CTNNA2: variants seen among roughly 807,000 people sequenced by gnomAD.
CTNNA2 encodes the protein catenin alpha-2.
Under a neutral mutation model 101.0 loss-of-function variants are expected in CTNNA2, and 42 were observed. The ratio of observed to expected loss-of-function variants is 0.42; its 90% CI spans 0.32 to 0.54. The LOEUF is 0.54. Ranked by LOEUF, CTNNA2 falls within the 20% of genes least tolerant of loss-of-function variation. The pLI is 0.14. For synonymous variants in CTNNA2, 450 were observed against 456.4 expected, an observed-to-expected ratio of 0.99 and a Z score of 0.18; for missense variants, 871 against 1,223.1, an observed-to-expected ratio of 0.71 and a Z score of 4.29.
intron 1 of CTNNA2, among the ~76,000 whole-genome samples, chr2:79,563,176 T>C (rs923734644): frequency 3.2e-5 from 3 of 93,420 alleles, no homozygotes; most frequent in African/African-American, 6.6e-5. Flanking sequence ...TATATATATA[T>C]ATATATATAT....
At chr2:80,628,450 AATAACACCACACAT>A (rs1437824573) in intron 18 of CTNNA2, among the ~76,000 whole-genome samples, 1 of 151,812 alleles carries the variant, frequency 6.6e-6, no homozygotes, top group Admixed American at 6.6e-5. Flanking sequence ...AGGCCTCAGA[AATAACACCACACAT>A]CTACAACCAG....
intron 2 of CTNNA2, among the ~76,000 whole-genome samples, chr2:79,288,765 A>G (rs1346889943): frequency 3.9e-5 from 6 of 152,208 alleles, no homozygotes; most frequent in Non-Finnish European, 5.9e-5. Flanking sequence ...CTTCTAATGT[A>G]TTCTATTTGT....
At chr2:79,442,708 GAAC>G (rs1226701477) in intron 4 of CTNNA2, among the ~76,000 whole-genome samples, 1 of 152,132 alleles carries the variant, frequency 6.6e-6, no homozygotes, top group Admixed American at 6.6e-5. Flanking sequence ...GATTCAAAAT[GAAC>G]ATTATCCTCA....
At chr2:79,582,068 G>A (rs1314750462) in intron 1 of CTNNA2, among the ~76,000 whole-genome samples, 1 of 152,226 alleles carries the variant, frequency 6.6e-6, no homozygotes, top group African/African-American at 2.4e-5. Flanking sequence ...GGGGGTTCTG[G>A]ACTAGTTAAG....
At chr2:80,445,003 C>T (rs1682948437) in intron 9 of CTNNA2, among the ~76,000 whole-genome samples, 1 of 152,030 alleles carries the variant, frequency 6.6e-6, no homozygotes, top group African/African-American at 2.4e-5. Flanking sequence ...GCCCAGTGCC[C>T]CTGGGGATAA....
chr2:79,458,768 C>T (rs1160378687), intron 4 of CTNNA2, among the ~76,000 whole-genome samples: 1 of 152,092 alleles, frequency 6.6e-6, no homozygotes, highest in African/African-American at 2.4e-5. Flanking sequence ...CACCATGCAA[C>T]AAATATAAAA....
chr2:80,223,887 GT>G (rs775529721), intron 7 of CTNNA2, among the ~76,000 whole-genome samples: 12 of 152,254 alleles, frequency 7.9e-5, no homozygotes, highest in Non-Finnish European at 1.6e-4. Flanking sequence ...CAGGTCCAAG[GT>G]AATCATACTG....
In CTNNA2 at chr2:79,279,190, C is replaced by G. The variant is rs368114105; in HGVS notation, c.-405-33519C>G. Among the ~76,000 whole-genome samples the G allele has an allele frequency of 7.9e-5, 12 of 152,118 alleles. No individual in the cohort carries two copies. The East Asian group carries it at 2.3e-3, about 29-fold the overall frequency. On this transcript the variant is annotated intron_variant, in intron 2 of 21. Transcript: ENST00000466387. ...ATAAAAACCCAGCCCTTCCAAGGTA[C>G]TCAGGAAATTAACTGCAAATATTTA...
At position 79,306,081 on chromosome 2, in the gene CTNNA2, G is replaced by A. The variant is rs897956761; in HGVS notation, c.-405-6628G>A. 2.2e-4 allele frequency among the ~76,000 whole-genome samples: 33 copies of A among 147,710 alleles called. 1 individual carries two copies. Among genetic ancestry groups the A allele is most frequent in the African/African-American group, 6.5e-4 (26 of 39,732 alleles). ...AAAAAAAGGCAATCTTGTCTTTTAC[G>A]ACAACATGGATTAAACCCATAGGAC... On this transcript the variant is annotated intron_variant, in intron 2 of 21. Coordinates refer to the CTNNA2 transcript ENST00000466387.
intron 7 of CTNNA2, among the ~76,000 whole-genome samples, chr2:80,124,756 A>G (rs1214489904): frequency 6.6e-6 from 1 of 152,042 alleles, no homozygotes; most frequent in African/African-American, 2.4e-5. Flanking sequence ...GAGCGAGGTT[A>G]CCCCTCCCCT....
At chr2:79,645,617 C>T (rs1680764276) in intron 1 of CTNNA2, among the ~76,000 whole-genome samples, 1 of 152,272 alleles carries the variant, frequency 6.6e-6, no homozygotes, top group African/African-American at 2.4e-5. Context: ...TTTGAGGCAT[C>T]TTGTCTTGTG....
intron 8 of CTNNA2, among the ~76,000 whole-genome samples, chr2:80,414,019 T>C (rs1679822543): frequency 6.6e-6 from 1 of 152,184 alleles, no homozygotes; most frequent in Non-Finnish European, 1.5e-5. Context: ...TCAACTTGGG[T>C]GTTAACTTTT....
intron 1 of CTNNA2, among the ~76,000 whole-genome samples, chr2:79,522,462 C>T (rs756753003): frequency 7.2e-5 from 11 of 152,180 alleles, no homozygotes; most frequent in African/African-American, 1.9e-4. Context: ...TAATACCAGA[C>T]AGAATGATCG....
intron 7 of CTNNA2, among the ~76,000 whole-genome samples, chr2:80,011,311 C>T (rs1430824958): frequency 1.3e-5 from 2 of 152,008 alleles, no homozygotes; most frequent in Admixed American, 6.6e-5. Flanking sequence ...TTTTTCAAGC[C>T]GAATCTCAGG....
At chr2:79,550,402 A>G (rs753342293) in intron 1 of CTNNA2, among the ~76,000 whole-genome samples, 89 of 152,324 alleles carry the variant, frequency 5.8e-4, no homozygotes, top group Non-Finnish European at 1.2e-3. Flanking sequence ...AGACTCAGCA[A>G]TGAGCCACCA....
intron 4 of CTNNA2, among the ~76,000 whole-genome samples, chr2:79,409,893 G>A (rs1163300941): frequency 6.6e-6 from 1 of 152,018 alleles, no homozygotes; most frequent in Non-Finnish European, 1.5e-5. Flanking sequence ...ACCTTGGGCA[G>A]TATGGCCATT....
intron 7 of CTNNA2, among the ~76,000 whole-genome samples, chr2:80,118,665 T>G (rs930970918): frequency 6.6e-6 from 1 of 152,250 alleles, no homozygotes; most frequent in African/African-American, 2.4e-5. Context: ...ATGATCCTCT[T>G]TAACAAAGGA....
In CTNNA2 at chr2:79,584,922, T is replaced by A. The variant is rs540187158; in HGVS notation, c.-5-66630T>A. ...GAACAATTTTTTAAAAGCTGGTAGT[T>A]TTAAAAGCTGGTAGTATTTTATGGG... On this transcript the variant is annotated intron_variant, in intron 1 of 18. Transcript: ENST00000402739. Among the ~76,000 whole-genome samples, 311 of 152,352 alleles carry A rather than the reference T, an allele frequency of 2.0e-3. 1 individual carries two copies. Among genetic ancestry groups the A allele is most frequent in the African/African-American group, 6.9e-3 (288 of 41,584 alleles).
At chr2:80,306,450 T>TTCTCTCTC (rs765222009) in intron 7 of CTNNA2, among the ~76,000 whole-genome samples, 3 of 124,926 alleles carry the variant, frequency 2.4e-5, no homozygotes, top group African/African-American at 8.5e-5. Context: ...CTTTCTTTCT[T>TTCTCTCTC]TCTCTCTCTC....
Sources: gnomAD v4.1 joint callset for allele counts (sites outside exome capture counted in the v4.1 genomes callset) on GRCh38, gnomAD v4.1.1 for gene constraint, MANE v1.5 for transcripts, NCBI Gene and HGNC (gene_info 2026-07-23, HGNC 2026-07-21) for gene names.